Variants in ARHGAP44 observed in about 807,000 individuals in gnomAD.
ARHGAP44 encodes the protein Rho GTPase activating protein 44.
In ARHGAP44, 43 loss-of-function variants were observed where a neutral mutation model predicts 106.8. The observed-to-expected ratio is 0.40, with a 90% CI of 0.32 to 0.52. ARHGAP44 has a LOEUF of 0.52. Among genes scored for constraint, ARHGAP44 ranks in the 20% least tolerant of loss-of-function variants. The pLI is 0.48. For synonymous variants in ARHGAP44, 439 were observed against 410.3 expected (o/e 1.07, Z -0.85); for missense variants, 866 against 1,050.5 (o/e 0.82, Z 2.43).
Position 12,980,135 on chromosome 17 carries a change from C to T in ARHGAP44, c.1841C>T (p.Ala614Val). Residue 614 changes from alanine (A) to valine (V), a missense_variant, in exon 19 of 21, where the codon GCA becomes GTA. Ala to Val is a moderately conservative substitution (Grantham distance 64). Transcript: ENST00000379672. ...SPGSSQGTAC[A>V]GTQPGAQPGA... Reference sequence around the variant, plus strand: ...GGCTCCAGCCAGGGCACAGCCTGTGCAGGGACTCAACCAGGGGCTCAACCT... The same window carrying T: ...GGCTCCAGCCAGGGCACAGCCTGTGTAGGGACTCAACCAGGGGCTCAACCT... 6.2e-7 allele frequency: 1 copy of T among 1,613,976 alleles called. No individual in the cohort carries two copies. Among genetic ancestry groups the T allele is most frequent in the Non-Finnish European group, 8.5e-7 (1 of 1,179,886 alleles).
intron 13 of ARHGAP44, among the ~76,000 whole-genome samples, chr17:12,954,062 GT>G (rs79278587): frequency 0.013 from 1,841 of 139,694 alleles, 19 homozygotes; most frequent in African/African-American, 0.042. Flanking sequence ...TAATTTTTGT[GT>G]TTTTTTTTTT....
intron 6 of ARHGAP44, among the ~76,000 whole-genome samples, chr17:12,922,988 T>C (rs984790721): frequency 6.6e-6 from 1 of 152,214 alleles, no homozygotes; most frequent in Non-Finnish European, 1.5e-5. Flanking sequence ...TCCTGTATAT[T>C]AAAATCTAGT....
intron 1 of ARHGAP44, among the ~76,000 whole-genome samples, chr17:12,800,656 G>T (rs571775203): frequency 1.3e-5 from 2 of 152,220 alleles, no homozygotes; most frequent in Non-Finnish European, 2.9e-5. Flanking sequence ...GTCATCTGTT[G>T]TCAGGAACTA....
chr17:12,870,625 A>T (rs1256507379), intron 1 of ARHGAP44, among the ~76,000 whole-genome samples: 1 of 152,200 alleles, frequency 6.6e-6, no homozygotes, highest in African/African-American at 2.4e-5. Flanking sequence ...CTCCCTGGAG[A>T]CACTTTTTAA....
intron 6 of ARHGAP44, among the ~76,000 whole-genome samples, chr17:12,924,305 C>T (rs1348435674): frequency 3.9e-5 from 6 of 152,142 alleles, no homozygotes; most frequent in African/African-American, 1.4e-4. Context: ...ATGATACAGA[C>T]CTCAATATTC....
chr17:12,833,350 A>G (rs1172033813), intron 1 of ARHGAP44, among the ~76,000 whole-genome samples: 1 of 152,034 alleles, frequency 6.6e-6, no homozygotes, highest in Non-Finnish European at 1.5e-5. Context: ...AATAACCCCC[A>G]TTTTATGGTT....
chr17:12,799,855 C>T (rs985632166), intron 1 of ARHGAP44, among the ~76,000 whole-genome samples: 7 of 152,146 alleles, frequency 4.6e-5, no homozygotes, highest in Admixed American at 4.6e-4. Flanking sequence ...TCTGGAACTC[C>T]TGACCTCAGG....
At chr17:12,911,704 G>A (rs2037743381) in intron 4 of ARHGAP44, among the ~76,000 whole-genome samples, 1 of 152,154 alleles carries the variant, frequency 6.6e-6, no homozygotes, top group Admixed American at 6.5e-5. Flanking sequence ...GAGGGGATAA[G>A]AGAGCATCTC....
chr17:12,812,981 G>A (rs1347516977), intron 1 of ARHGAP44, among the ~76,000 whole-genome samples: 1 of 152,204 alleles, frequency 6.6e-6, no homozygotes, highest in Non-Finnish European at 1.5e-5. Context: ...AGCAATGGCA[G>A]GTCCCATGCA....
chr17:12,854,195 A>G (rs2035839335), intron 1 of ARHGAP44, among the ~76,000 whole-genome samples: 1 of 152,122 alleles, frequency 6.6e-6, no homozygotes, highest in Admixed American at 6.5e-5. Context: ...CAGGAAGAAA[A>G]CTGCAGTTTC....
At chr17:12,989,647 G>A (rs1459711098) in intron 20 of ARHGAP44, among the ~76,000 whole-genome samples, 1 of 152,090 alleles carries the variant, frequency 6.6e-6, no homozygotes, top group Non-Finnish European at 1.5e-5. Context: ...ACTGTCTCAC[G>A]TCCTGTCCCT....
At chr17:12,896,108 TA>T (rs1210342993) in intron 2 of ARHGAP44, among the ~76,000 whole-genome samples, 6 of 61,350 alleles carry the variant, frequency 9.8e-5, no homozygotes, top group Non-Finnish European at 1.5e-4. Context: ...TGTCATGGGA[TA>T]GGGGGAGGGG....
At chr17:12,960,436 C>G (rs1381931625) in intron 16 of ARHGAP44, among the ~76,000 whole-genome samples, 1 of 151,992 alleles carries the variant, frequency 6.6e-6, no homozygotes, top group South Asian at 2.1e-4. Flanking sequence ...AGTGGTGGCA[C>G]GCACTTGTAA....
Position 12,833,172 on chromosome 17 carries a change from G to A in ARHGAP44, c.53+43281G>A, listed in dbSNP as rs78576688. On this transcript the variant is annotated intron_variant, in intron 1 of 20. Transcript: ENST00000379672. Reference sequence around the variant, plus strand: ...GAGAGGGCAGTGCCACTGGATAGGAGTAAAGTTTGGGGAAGAAAGGGGACC... The same window carrying A: ...GAGAGGGCAGTGCCACTGGATAGGAATAAAGTTTGGGGAAGAAAGGGGACC... Among the ~76,000 whole-genome samples, 752 of 152,318 alleles carry A rather than the reference G, an allele frequency of 4.9e-3. 6 individuals carry two copies. The highest frequency in any genetic ancestry group is 0.027 in the Middle Eastern group (8 of 294).
At chr17:12,906,705 C>A (rs377275245) in intron 3 of ARHGAP44, among the ~76,000 whole-genome samples, 42 of 152,030 alleles carry the variant, frequency 2.8e-4, no homozygotes, top group African/African-American at 9.4e-4. Flanking sequence ...GAGGCCAAAG[C>A]AGGAGGATTG....
chr17:12,850,617 C>T (rs1204828868), intron 1 of ARHGAP44, among the ~76,000 whole-genome samples: 1 of 152,090 alleles, frequency 6.6e-6, no homozygotes, highest in Non-Finnish European at 1.5e-5. Flanking sequence ...AAGAGAGTCT[C>T]ACCCTCCTTT....
chr17:12,890,834 G>A (rs1249295233), intron 1 of ARHGAP44, among the ~76,000 whole-genome samples: 1 of 152,128 alleles, frequency 6.6e-6, no homozygotes, highest in African/African-American at 2.4e-5. Context: ...GTTAAAGGAA[G>A]CCATGCAGAT....
At chr17:12,960,591 C>T (rs2039238542) in intron 16 of ARHGAP44, among the ~76,000 whole-genome samples, 2 of 142,186 alleles carry the variant, frequency 1.4e-5, no homozygotes, top group Non-Finnish European at 3.1e-5. Context: ...AAGAGAGTCT[C>T]GCTCTGTCAC....
chr17:12,818,148 G>A (rs2034653388), intron 1 of ARHGAP44, among the ~76,000 whole-genome samples: 1 of 151,844 alleles, frequency 6.6e-6, no homozygotes, highest in Non-Finnish European at 1.5e-5. Flanking sequence ...TTATGACCAA[G>A]TGAGGTTTAT....
Sources: allele counts gnomAD v4.1 joint callset (sites outside exome capture counted in the v4.1 genomes callset), GRCh38; gene constraint gnomAD v4.1.1; transcripts MANE v1.5; gene names NCBI Gene and HGNC (gene_info 2026-07-23, HGNC 2026-07-21).